The following DCDC1 variants were observed in gnomAD, a reference collection of about 807,000 sequenced individuals.
DCDC1 encodes the protein doublecortin domain-containing protein 1.
A neutral mutation model predicts 178.3 loss-of-function variants in DCDC1; 200 were observed. The ratio of observed to expected loss-of-function variants is 1.12; its 90% confidence interval spans 1.00 to 1.26. The LOEUF is 1.26. Among genes scored for constraint, DCDC1 ranks in the 50% most tolerant of loss-of-function variants. DCDC1 has a pLI of 0.00. For synonymous variants in DCDC1, 690 were observed against 604.8 expected (o/e 1.14, Z -2.07); for missense variants, 1,983 against 1,749.2 (o/e 1.13, Z -2.38).
chr11:30,934,558 A>T (rs1481299398), intron 21 of DCDC1, among the ~76,000 whole-genome samples: 1 of 152,130 alleles, frequency 6.6e-6, no homozygotes, highest in African/African-American at 2.4e-5. Flanking sequence ...AGGCAAGAGG[A>T]GTGGTTCATA....
At chr11:31,139,019 AG>A (rs1289928787) in intron 9 of DCDC1, among the ~76,000 whole-genome samples, 1 of 151,604 alleles carries the variant, frequency 6.6e-6, no homozygotes, top group Non-Finnish European at 1.5e-5. Context: ...TAAATATTTT[AG>A]GCTTTATGGG....
chr11:30,994,847 C>T (rs1248581924), intron 20 of DCDC1, among the ~76,000 whole-genome samples: 2 of 148,118 alleles, frequency 1.4e-5, no homozygotes, highest in Non-Finnish European at 3.0e-5. Flanking sequence ...TGAATGTTTC[C>T]CCCTAAAATC....
At chr11:31,028,031 G>A (rs1051041419) in intron 20 of DCDC1, among the ~76,000 whole-genome samples, 6 of 151,664 alleles carry the variant, frequency 4.0e-5, no homozygotes, top group African/African-American at 4.8e-5. Flanking sequence ...ATGCCCTTCT[G>A]TATAATCTAA....
intron 18 of DCDC1, among the ~76,000 whole-genome samples, chr11:31,065,503 T>C (rs1472677295): frequency 6.6e-6 from 1 of 152,152 alleles, no homozygotes; most frequent in East Asian, 1.9e-4. Context: ...TGTAATTGTG[T>C]AGTTGCTGTA....
chr11:31,167,020 C>T (rs1966840772), intron 9 of DCDC1, among the ~76,000 whole-genome samples: 2 of 152,114 alleles, frequency 1.3e-5, no homozygotes, highest in South Asian at 4.1e-4. Flanking sequence ...CTGATTAAAG[C>T]CACAGCTAGG....
chr11:31,262,235 C>G (rs980911767), intron 8 of DCDC1, among the ~76,000 whole-genome samples: 5 of 151,380 alleles, frequency 3.3e-5, no homozygotes, highest in Admixed American at 2.0e-4. Context: ...CCACTGCACT[C>G]CAGCCTGGGC....
chr11:31,174,459 G>A (rs573904479), intron 9 of DCDC1, among the ~76,000 whole-genome samples: 5 of 152,272 alleles, frequency 3.3e-5, no homozygotes, highest in South Asian at 4.2e-4. Context: ...GGTGCTGGCC[G>A]GCAGGCACCC....
chr11:30,906,035 A>C (rs1590311136), intron 30 of DCDC1, among the ~76,000 whole-genome samples: 1 of 152,280 alleles, frequency 6.6e-6, no homozygotes, highest in South Asian at 2.1e-4. Context: ...ATTTTAAACA[A>C]AGGTTATAGG....
intron 20 of DCDC1, among the ~76,000 whole-genome samples, chr11:30,983,756 G>C (rs1353825288): frequency 1.3e-5 from 2 of 152,080 alleles, no homozygotes; most frequent in Non-Finnish European, 2.9e-5. Context: ...AACGTGCTTA[G>C]AGTTTTGTGT....
chr11:31,364,905 C>T (rs1951885183), intron 1 of DCDC1, among the ~76,000 whole-genome samples: 1 of 151,634 alleles, frequency 6.6e-6, no homozygotes, highest in Non-Finnish European at 1.5e-5. Flanking sequence ...TCCTTCAAAA[C>T]ACTATTTAAA....
chr11:30,898,648 T>G (rs773606215), intron 34 of DCDC1, among the ~76,000 whole-genome samples: 3 of 152,168 alleles, frequency 2.0e-5, no homozygotes, highest in Non-Finnish European at 4.4e-5. Flanking sequence ...CAAGTGAAAA[T>G]GTCTAGCAGT....
At chr11:31,290,894 A>T in intron 6 of DCDC1, 42 bp from the exon 7 acceptor site, 1 of 1,572,426 alleles carries the variant, frequency 6.4e-7, no homozygotes, top group Non-Finnish European at 8.7e-7. Flanking sequence ...TTTGGCTTCA[A>T]AATTAAAAAT....
At chr11:30,887,038 G>A (rs1943238632) in intron 36 of DCDC1, among the ~76,000 whole-genome samples, 1 of 151,888 alleles carries the variant, frequency 6.6e-6, no homozygotes, top group African/African-American at 2.4e-5. Context: ...TATTTTACTT[G>A]GTTTCTCCTA....
At chr11:31,252,874 C>A (rs1488624910) in intron 8 of DCDC1, among the ~76,000 whole-genome samples, 2 of 151,914 alleles carry the variant, frequency 1.3e-5, no homozygotes, top group Non-Finnish European at 2.9e-5. Flanking sequence ...GGGATGGACA[C>A]TTGTTGCAGA....
intron 1 of DCDC1, among the ~76,000 whole-genome samples, chr11:31,356,212 C>T (rs1184207528): frequency 2.6e-5 from 4 of 152,082 alleles, no homozygotes; most frequent in Non-Finnish European, 5.9e-5. Flanking sequence ...AAGACTCTAA[C>T]AAATAATTTA....
chr11:30,946,307 G>A (rs1261648003), intron 21 of DCDC1, among the ~76,000 whole-genome samples: 6 of 152,088 alleles, frequency 3.9e-5, no homozygotes, highest in Non-Finnish European at 7.4e-5. Flanking sequence ...AGAAATCGGT[G>A]CAATTCAGTC....
At chr11:31,104,560 T>C (rs962909798) in intron 13 of DCDC1, among the ~76,000 whole-genome samples, 1 of 152,104 alleles carries the variant, frequency 6.6e-6, no homozygotes, top group Non-Finnish European at 1.5e-5. Context: ...AAATAACTAA[T>C]ATAATACAAG....
intron 7 of DCDC1, 121 bp from the exon 8 acceptor site, chr11:31,265,721 T>G (rs1945108187): frequency 2.5e-6 from 1 of 392,262 alleles, no homozygotes; most frequent in African/African-American, 2.1e-5. Context: ...ATTTAATGAT[T>G]TATAAAATGT....
rs565368442 is a variant in DCDC1, at chr11:31,061,446, T to C, written c.2591+3023A>G. 1.1e-3 allele frequency among the ~76,000 whole-genome samples: 162 copies of C among 152,190 alleles called. 3 individuals carry two copies. The highest frequency in any genetic ancestry group is 3.2e-4 in the Non-Finnish European group (22 of 67,984). ...CTATGCCTACTTTTCAGTGATCATT[T>C]TAGATTGTGTGTGTGTGTGTGTGTT... On this transcript the variant is annotated intron_variant, in intron 20 of 38. Coordinates refer to ENST00000684477, the MANE Select transcript of DCDC1 (RefSeq NM_001387274.1).
Sources: allele counts gnomAD v4.1 joint callset (sites outside exome capture counted in the v4.1 genomes callset), GRCh38; gene constraint gnomAD v4.1.1; transcripts MANE v1.5; gene names NCBI Gene and HGNC (gene_info 2026-07-23, HGNC 2026-07-21).